Variants in ARX observed in about 807,000 individuals in gnomAD.
The protein encoded by ARX is aristaless related homeobox.
Under a neutral mutation model 23.1 loss-of-function variants are expected in ARX, and 1 was observed. The observed-to-expected ratio is 0.04, with a 90% CI of 0.02 to 0.21. The LOEUF is 0.21. ARX is among the 10% of genes least tolerant of loss of function. The pLI is 1.00. For synonymous variants in ARX, 301 were observed against 270.1 expected, an observed-to-expected ratio of 1.11 and a Z score of -1.12; for missense variants, 380 against 527.5, an observed-to-expected ratio of 0.72 and a Z score of 2.74.
chrX:25,010,167 A>AGC, intron 3 of ARX, 93 bp downstream of exon 3: 7 of 867,205 alleles, frequency 8.1e-6, no homozygotes, highest in East Asian at 3.4e-5. Context: ...AGGGGATCTC[A>AGC]CCCCCCGCAC....
chrX:25,013,178 C>T lies in ARX; in HGVS notation c.817G>A (p.Ala273Thr). 8.4e-7 allele frequency: 1 copy of T among 1,187,298 alleles called. No homozygotes were observed. The change falls in exon 2 of 5, where the codon GCC (alanine) becomes ACC (threonine). Residue 273 changes from alanine (A) to threonine (T), a missense_variant. Ala to Thr is a moderately conservative substitution (Grantham distance 58). This residue lies in a region of ARX where 235 missense variants were observed against 270.2 expected (regional missense o/e 0.87). Coordinates refer to ENST00000379044, the MANE Select transcript of ARX (RefSeq NM_139058.3). ...GCAGCGGCAGCTGCTGCGGCCACGG[C>T]GCCAGTGGCGGCCACAGGACAGCGC... ...PRRCPVAATG[A>T]VAAAAAAAVA... is the part of the protein sequence containing the mutation.
Position 25,007,287 on chromosome X carries a change from C to A in ARX, c.1272G>T (p.Pro424=), listed in dbSNP as rs398124507. ...CGGCAGTCCAAGCGGAGTCGAGCGC[C>A]GGGTGGTGCGGAGGGAAGGGGCTGG... ...LDASPFPPHH[P]ALDSAWTAAA... Residue 424 remains proline, a synonymous_variant, in exon 4 of 5, where the codon CCG becomes CCT. Coordinates refer to ENST00000379044, the MANE Select transcript of ARX (RefSeq NM_139058.3). 67 of 1,117,406 alleles carry A rather than the reference C, an allele frequency of 6.0e-5. No homozygotes were observed. The South Asian group carries it at 1.4e-3, about 23-fold the overall frequency. 92.1% of individuals were successfully genotyped at this position (1,117,406 alleles called of 1,213,427 possible). A position where few individuals can be genotyped will look rare whatever the true frequency, so the allele number is the denominator to read the frequency against.
At chrX:25,006,531 T>A (rs887089388) in intron 4 of ARX, 1 of 112,164 alleles carries the variant, frequency 8.9e-6, no homozygotes, top group Non-Finnish European at 1.9e-5. Context: ...GAACTGTTTC[T>A]TTTATTTCGT....
At chrX:25,011,870 A>G (rs2048703783) in intron 2 of ARX, among the ~76,000 whole-genome samples, 1 of 112,969 alleles carries the variant, frequency 8.9e-6, no homozygotes, top group Non-Finnish European at 1.9e-5. Flanking sequence ...CGCGCTTGAC[A>G]AGCCCCGCGC....
rs1396204825 is a variant in ARX at position 25,015,698 on chromosome X, G to A, written c.40C>T (p.Pro14Ser). The part of the protein sequence containing the change: ...QYQEEGCSER[P>S]ECKSKSPTLL... ...GTTGGAGATTTACTTTTGCACTCGG[G>A]CCTCTCGGAGCAGCCCTCCTCCTGG... Residue 14 changes from proline (P) to serine (S), a missense_variant, in exon 1 of 5, where the codon CCC becomes TCC. Coordinates refer to ENST00000379044, the MANE Select transcript of ARX (RefSeq NM_139058.3). 8.3e-7 allele frequency: 1 copy of A among 1,203,804 alleles called. No individual in the cohort carries two copies.
In ARX at chrX:25,013,405, C is replaced by T. The variant is rs398124513; in HGVS notation, c.590G>A (p.Gly197Asp). 3 of 1,014,818 alleles carry T rather than the reference C, an allele frequency of 3.0e-6. No homozygotes were observed. In the African/African-American group the frequency reaches 6.1e-5, roughly 20 times the overall value. 83.6% of individuals were successfully genotyped at this position (1,014,818 alleles called of 1,213,427 possible). A position where few individuals can be genotyped will look rare whatever the true frequency, so the allele number is the denominator to read the frequency against. Residue 197 changes from glycine (G) to aspartate (D), a missense_variant, in exon 2 of 5, where the codon GGC becomes GAC. Coordinates refer to ENST00000379044, the MANE Select transcript of ARX (RefSeq NM_139058.3). ...PALDELGGPG[G>D]VTHPEERLGV... ...GAGGCGCTCCTCCGGGTGCGTGACG[C>T]CCCCCGGGCCGCCCAGCTCGTCCAG...
At chrX:25,006,997 G>T in intron 4 of ARX, 114 bp downstream of exon 4, 1 of 899,108 alleles carries the variant, frequency 1.1e-6, no homozygotes, top group Non-Finnish European at 1.5e-6. Flanking sequence ...CTCTGAGGTT[G>T]GGTCAAAGAA....
chrX:25,007,083 C>A (rs1157954908), intron 4 of ARX, 28 bp downstream of exon 4: 9 of 1,174,549 alleles, frequency 7.7e-6, no homozygotes, highest in Non-Finnish European at 1.0e-5. Flanking sequence ...GACAGACAGA[C>A]AGACAGACTT....
chrX:25,013,232 C>T lies in ARX; in HGVS notation c.763G>A (p.Asp255Asn). The T allele has an allele frequency of 1.7e-6, 2 of 1,158,484 alleles. No individual in the cohort carries two copies. The highest frequency in any genetic ancestry group is 2.3e-6 in the Non-Finnish European group (2 of 869,372). ...GGCTCCTTGAGCAGCGCGCGGGCGT[C>T]GTCCTCCAGCAGCTCCTCCTCGTCG... is the stretch of plus-strand genomic sequence containing the variant. ...EDDEEELLED[D>N]ARALLKEPRR... Residue 255 changes from aspartate to asparagine, a missense_variant, in exon 2 of 5, where the codon GAC (aspartate) becomes AAC (asparagine). Coordinates refer to ENST00000379044, the MANE Select transcript of ARX (RefSeq NM_139058.3).
At chrX:25,012,360 C>CT (rs2048705563) in intron 2 of ARX, among the ~76,000 whole-genome samples, 1 of 112,922 alleles carries the variant, frequency 8.9e-6, no homozygotes, top group Non-Finnish European at 1.9e-5. Context: ...GAACTCGGAT[C>CT]TTTTTAAAGG....
Position 25,015,015 on chromosome X carries a change from G to A in ARX, c.196+527C>T, listed in dbSNP as rs772813334. Among the ~76,000 whole-genome samples the A allele has an allele frequency of 4.4e-5, 5 of 112,532 alleles. No homozygotes were observed. In the South Asian group the frequency reaches 1.9e-3, roughly 42 times the overall value. On this transcript the variant is annotated intron_variant, in intron 1 of 4. Coordinates refer to ENST00000379044, the MANE Select transcript of ARX (RefSeq NM_139058.3). Reference sequence around the variant, plus strand: ...ATTTTAAATACATTAAGGAGCATTTGGAGAATCCCAGGAAGATGTTTTCTG... The same window carrying A: ...ATTTTAAATACATTAAGGAGCATTTAGAGAATCCCAGGAAGATGTTTTCTG...
intron 2 of ARX, 120 bp from the exon 3 acceptor site, chrX:25,010,425 AC>A: frequency 2.5e-6 from 2 of 804,352 alleles, no homozygotes; most frequent in Admixed American, 2.7e-5. Context: ...CCTGCCCCCC[AC>A]CCCCAAACAT....
At chrX:25,010,416 C>G in intron 2 of ARX, 111 bp from the exon 3 acceptor site, 1 of 899,643 alleles carries the variant, frequency 1.1e-6, no homozygotes, top group African/African-American at 1.9e-5. Context: ...CCCTGGCTGC[C>G]TGCCCCCCAC....
chrX:25,010,281 G>A lies in ARX; in HGVS notation c.1098C>T (p.Asp366=). 8.3e-7 allele frequency: 1 copy of A among 1,201,898 alleles called. No individual in the cohort carries two copies. ...TCACCTGGACTCGGGCCTCGGTCAA[G>A]TCCAGCCTCATGGCCAGTTCCTCCC... ...FTREELAMRL[D]LTEARVQVWF... Residue 366 remains aspartate (D), a synonymous_variant, in exon 3 of 5, where the codon GAC becomes GAT. Coordinates refer to ENST00000379044, the MANE Select transcript of ARX (RefSeq NM_139058.3).
At chrX:25,008,134 A>G (rs1217816600) in intron 3 of ARX, among the ~76,000 whole-genome samples, 3 of 112,593 alleles carry the variant, frequency 2.7e-5, no homozygotes, top group Non-Finnish European at 1.9e-5. Context: ...GATGAGAGGG[A>G]GGGAAGAAAG....
intron 2 of ARX, among the ~76,000 whole-genome samples, chrX:25,011,874 C>A (rs1314483243): frequency 1.8e-5 from 2 of 112,903 alleles, no homozygotes; most frequent in Non-Finnish European, 3.8e-5. Flanking sequence ...CTTGACAAGC[C>A]CCGCGCTAGG....
Position 25,004,546 on chromosome X carries a change from C to T in ARX, c.*124G>A, listed in dbSNP as rs757670784. On this transcript the variant is annotated 3_prime_UTR_variant, in exon 5 of 5. Coordinates refer to ENST00000379044, the MANE Select transcript of ARX (RefSeq NM_139058.3). ...GCCCGCATCCAGACTGCTGTGAAGG[C>T]GGCTGCGCTCTCTCAGTGCCGTCTC... 2 of 1,093,394 alleles carry T rather than the reference C, an allele frequency of 1.8e-6. No individual in the cohort carries two copies. The highest frequency in any genetic ancestry group is 1.8e-5 in the African/African-American group (1 of 54,475). 90.1% of individuals were successfully genotyped at this position (1,093,394 alleles called of 1,213,427 possible).
chrX:25,012,086 G>A (rs1000498226), intron 2 of ARX, among the ~76,000 whole-genome samples: 3 of 112,638 alleles, frequency 2.7e-5, no homozygotes, highest in African/African-American at 6.5e-5. Flanking sequence ...GAGGTGGAGC[G>A]TGACCAGGTC....
Position 25,004,817 on chromosome X carries a change from C to T in ARX, c.1542G>A (p.Ser514=), listed in dbSNP as rs1240255602. 8 of 1,175,745 alleles carry T rather than the reference C, an allele frequency of 6.8e-6. No homozygotes were observed. The highest frequency in any genetic ancestry group is 5.7e-6 in the Non-Finnish European group (5 of 878,104). Residue 514 remains serine (S), a synonymous_variant, in exon 5 of 5, where the codon TCG becomes TCA. Transcript: ENST00000379044. ...PTPAVEGAVA[S]GALADPATAA... is the part of the protein sequence containing the mutation. The stretch of plus-strand genomic sequence containing the variant: ...CCGTGGCCGGGTCGGCCAGGGCGCC[C>T]GATGCCACTGCGCCCTCCACGGCGG...
Sources: allele counts gnomAD v4.1 joint callset (sites outside exome capture counted in the v4.1 genomes callset), GRCh38; gene constraint gnomAD v4.1.1; regional missense constraint gnomAD v4.1.1; transcripts MANE v1.5; gene names NCBI Gene and HGNC (gene_info 2026-07-23, HGNC 2026-07-21).